CLCN3: variants seen among roughly 807,000 people sequenced by gnomAD.
The protein encoded by CLCN3 is Cl-/H+ antiporter 3, also known as H(+)/Cl(-) exchange transporter 3.
Under a neutral mutation model 83.4 loss-of-function variants are expected in CLCN3, and 16 were observed. That is an observed-to-expected ratio of 0.19 (90% CI 0.13 to 0.29). The LOEUF (loss-of-function observed/expected upper bound fraction) is 0.29. Among genes scored for constraint, CLCN3 ranks in the 10% least tolerant of loss-of-function variants. CLCN3 has a pLI of 1.00. For missense variants in CLCN3, 544 were observed against 1,006.0 expected (o/e 0.54, Z 6.21); for synonymous variants, 322 against 346.2 (o/e 0.93, Z 0.78).
At chr4:169,697,164 T>C (rs1207287991) in intron 8 of CLCN3, 25 bp from the exon 9 acceptor site, 1 of 1,465,692 alleles carries the variant, frequency 6.8e-7, no homozygotes. Flanking sequence ...AGCATTAATT[T>C]TTCTTTTCCT....
At chr4:169,639,993 C>A (rs1730359643) in intron 2 of CLCN3, among the ~76,000 whole-genome samples, 1 of 152,116 alleles carries the variant, frequency 6.6e-6, no homozygotes, top group Non-Finnish European at 1.5e-5. Context: ...TCAGTTTATT[C>A]CCACGTACAA....
intron 2 of CLCN3, among the ~76,000 whole-genome samples, chr4:169,659,612 A>G (rs1419161204): frequency 2.0e-5 from 3 of 152,210 alleles, no homozygotes; most frequent in Non-Finnish European, 4.4e-5. Context: ...CCTTCAAGAA[A>G]GGAAACAAGA....
chr4:169,632,716 CA>C (rs559919032), intron 1 of CLCN3, among the ~76,000 whole-genome samples: 2,196 of 32,246 alleles, frequency 0.068, 12 homozygotes, highest in African/African-American at 0.22. Context: ...GACTCCATCT[CA>C]AAAAAAAAAA....
rs555541903 is a variant in CLCN3 at position 169,633,888 on chromosome 4, G to A, written c.-16-2025G>A. 9.5e-4 allele frequency among the ~76,000 whole-genome samples: 144 copies of A among 152,130 alleles called. 1 individual carries two copies. The highest frequency in any genetic ancestry group is 2.8e-3 in the African/African-American group (117 of 41,496). On this transcript the variant is annotated intron_variant, in intron 1 of 12. Transcript: ENST00000513761. ...GCCATGTTTCAATGGCTCGATAGCC[G>A]TATGTATGCTGGCTGCTGCATCAGT...
intron 11 of CLCN3, among the ~76,000 whole-genome samples, chr4:169,710,651 C>T (rs192652930): frequency 9.9e-5 from 15 of 152,128 alleles, no homozygotes; most frequent in Admixed American, 6.5e-4. Flanking sequence ...AGAAACATTC[C>T]ATTAAATAAT....
At chr4:169,656,385 G>A (rs1384130886) in intron 2 of CLCN3, among the ~76,000 whole-genome samples, 4 of 152,132 alleles carry the variant, frequency 2.6e-5, no homozygotes, top group Non-Finnish European at 5.9e-5. Context: ...AGTGAGGGAG[G>A]TGCTACACAC....
In CLCN3 at chr4:169,708,934, T is replaced by TTA. The variant is rs974001425; in HGVS notation, c.2149+1681_2149+1682dup. ...GAAAAACAGACCTGTATATTAAGTT[T>TTA]TATATATATATATAAATTTAAAATT... is the stretch of plus-strand genomic sequence containing the variant. On this transcript the variant is annotated intron_variant, in intron 11 of 12. Transcript: ENST00000513761. Among the ~76,000 whole-genome samples, 533 of 148,522 alleles carry TTA rather than the reference T, an allele frequency of 3.6e-3. 1 individual carries two copies. The highest frequency in any genetic ancestry group is 0.011 in the African/African-American group (442 of 40,842).
chr4:169,719,686 G>A (rs977120832), intron 12 of CLCN3, among the ~76,000 whole-genome samples: 4 of 151,474 alleles, frequency 2.6e-5, no homozygotes, highest in Non-Finnish European at 5.9e-5. Context: ...ACTCTCGGTG[G>A]AAAGGCTGTC....
At position 169,721,931 on chromosome 4, in the gene CLCN3, C is replaced by T. The variant is rs1359542102; in HGVS notation, c.*1934C>T. On this transcript the variant is annotated 3_prime_UTR_variant, in exon 13 of 13. Coordinates refer to ENST00000513761, the MANE Select transcript of CLCN3 (RefSeq NM_001829.4). ...ACCTGGGCTCAAGTGATACTCCCGC[C>T]TCAGCCACCCAAGTAGCTGGCACTA... 3 of 152,160 alleles carry T rather than the reference C, an allele frequency of 2.0e-5. No individual in the cohort carries two copies. Among genetic ancestry groups the T allele is most frequent in the African/African-American group, 7.2e-5 (3 of 41,426 alleles). The allele number at this position is 152,160 out of a possible 1,614,324, so 9.4% of individuals were successfully genotyped here. A position where few individuals can be genotyped will look rare whatever the true frequency, so the allele number is the denominator to read the frequency against.
At chr4:169,674,881 G>C (rs944725900) in intron 2 of CLCN3, among the ~76,000 whole-genome samples, 39 of 152,182 alleles carry the variant, frequency 2.6e-4, no homozygotes, top group Non-Finnish European at 7.4e-5. Flanking sequence ...CTCCCGAGTA[G>C]CTGGGATTAC....
chr4:169,707,367 A>G (rs549787220), intron 11 of CLCN3, 101 bp downstream of exon 11: 7 of 875,280 alleles, frequency 8.0e-6, no homozygotes, highest in African/African-American at 5.0e-5. Flanking sequence ...TGTGGGGGCA[A>G]GGGACATTAT....
At chr4:169,680,554 C>A in intron 3 of CLCN3, 1 of 183,298 alleles carries the variant, frequency 5.5e-6, no homozygotes. Flanking sequence ...GAGCAGCCCA[C>A]CAGCTAAGGC....
intron 7 of CLCN3, among the ~76,000 whole-genome samples, chr4:169,692,579 TC>T (rs1265132356): frequency 6.6e-6 from 1 of 152,202 alleles, no homozygotes; most frequent in Non-Finnish European, 1.5e-5. Context: ...TTCACGAAGA[TC>T]TTCCTGTTAT....
intron 1 of CLCN3, among the ~76,000 whole-genome samples, chr4:169,625,517 G>C (rs1773212443): frequency 6.6e-6 from 1 of 152,074 alleles, no homozygotes; most frequent in South Asian, 2.1e-4. Flanking sequence ...TTGCAGTTTT[G>C]GGGCTCAGGT....
chr4:169,656,675 T>C (rs1730897346), intron 2 of CLCN3, among the ~76,000 whole-genome samples: 1 of 152,226 alleles, frequency 6.6e-6, no homozygotes, highest in South Asian at 2.1e-4. Context: ...CTCATGTAAG[T>C]GGTTTTATTT....
At chr4:169,674,332 A>G (rs1224701950) in intron 2 of CLCN3, among the ~76,000 whole-genome samples, 1 of 152,172 alleles carries the variant, frequency 6.6e-6, no homozygotes, top group Non-Finnish European at 1.5e-5. Context: ...AGTACTGTAT[A>G]TCTTACCAGA....
chr4:169,620,746 G>A lies in CLCN3; in HGVS notation c.-334G>A, dbSNP rs1773091489. 1 of 398,630 alleles carries A rather than the reference G, an allele frequency of 2.5e-6. No homozygotes were observed. Among genetic ancestry groups the A allele is most frequent in the Admixed American group, 4.4e-5 (1 of 22,738 alleles). The allele number at this position is 398,630 out of a possible 1,614,324, so 24.7% of individuals were successfully genotyped here. ...GCATGGATTCAGTTTTAGTCTTAAG[G>A]GGGAAGTGAGATTGGAGATTTTTAT... On this transcript the variant is annotated 5_prime_UTR_variant, in exon 1 of 13. Transcript: ENST00000513761.
At chr4:169,632,302 G>A (rs1406190697) in intron 1 of CLCN3, among the ~76,000 whole-genome samples, 1 of 152,038 alleles carries the variant, frequency 6.6e-6, no homozygotes, top group Non-Finnish European at 1.5e-5. Context: ...ACTTCAGGAA[G>A]TACATACTTC....
At position 169,720,144 on chromosome 4, in the gene CLCN3, G is replaced by T. The variant is rs1733579612; in HGVS notation, c.*147G>T. On this transcript the variant is annotated 3_prime_UTR_variant, in exon 13 of 13. Coordinates refer to ENST00000513761, the MANE Select transcript of CLCN3 (RefSeq NM_001829.4). ...ATAAAAGCCGGGTTTTTGCAACATGGTTTGCAAATAATGCTGGTGGAATGG... is the reference window on the plus strand; with the variant it reads ...ATAAAAGCCGGGTTTTTGCAACATGTTTTGCAAATAATGCTGGTGGAATGG... The T allele has an allele frequency of 2.4e-6, 3 of 1,237,180 alleles. No individual in the cohort carries two copies. The highest frequency in any genetic ancestry group is 3.4e-6 in the Non-Finnish European group (3 of 881,138). The allele number at this position is 1,237,180 out of a possible 1,614,324, so 76.6% of individuals were successfully genotyped here.
Sources: gnomAD v4.1 joint callset for allele counts (sites outside exome capture counted in the v4.1 genomes callset) on GRCh38, gnomAD v4.1.1 for gene constraint, MANE v1.5 for transcripts, NCBI Gene and HGNC (gene_info 2026-07-23, HGNC 2026-07-21) for gene names.